The following SLC22A3 variants were observed in gnomAD, a reference collection of about 807,000 sequenced individuals.
SLC22A3 encodes solute carrier family 22 member 3, also known as EMT organic cation transporter 3.
In SLC22A3, 51 loss-of-function variants were observed where a neutral mutation model predicts 59.1. The observed-to-expected ratio is 0.86, with a 90% CI of 0.69 to 1.09. SLC22A3 has a LOEUF of 1.09. Ranked by LOEUF, SLC22A3 falls within the 50% of genes least tolerant of loss-of-function variation. The pLI is 0.00. For missense variants in SLC22A3, 711 were observed against 726.3 expected (o/e 0.98, Z 0.24); for synonymous variants, 325 against 292.0 (o/e 1.11, Z -1.15).
chr6:160,397,990 C>G lies in SLC22A3; in HGVS notation c.441C>G (p.Val147=). 6.2e-7 allele frequency: 1 copy of G among 1,613,296 alleles called. No individual in the cohort carries two copies. Among genetic ancestry groups the G allele is most frequent in the African/African-American group, 1.3e-5 (1 of 74,984 alleles). ...CTTTGTTTTCTCAGTTTGACCTTGT[C>G]TGTGTCAATGCGTGGATGCTGGACC... The part of the protein sequence containing the change: ...HSTIVSEFDL[V]CVNAWMLDLT... Residue 147 remains valine (V), a synonymous_variant, in exon 2 of 11, where the codon GTC becomes GTG. Coordinates refer to ENST00000275300, the MANE Select transcript of SLC22A3 (RefSeq NM_021977.4).
intron 1 of SLC22A3, among the ~76,000 whole-genome samples, chr6:160,389,441 T>G (rs1786158112): frequency 6.6e-6 from 1 of 152,176 alleles, no homozygotes; most frequent in Non-Finnish European, 1.5e-5. Flanking sequence ...GCACCTTAAC[T>G]GACAGGGTTC....
chr6:160,377,721 T>C (rs1021973720), intron 1 of SLC22A3, among the ~76,000 whole-genome samples: 5 of 152,170 alleles, frequency 3.3e-5, no homozygotes, highest in African/African-American at 1.2e-4. Context: ...TTACTCTTGC[T>C]CTCAAACACA....
At chr6:160,374,809 C>T (rs530541430) in intron 1 of SLC22A3, among the ~76,000 whole-genome samples, 3 of 152,294 alleles carry the variant, frequency 2.0e-5, no homozygotes, top group African/African-American at 4.8e-5. Context: ...GAGGGCAGGG[C>T]GTTCAGGCCT....
chr6:160,418,552 A>G (rs903623585), intron 5 of SLC22A3, among the ~76,000 whole-genome samples: 1 of 152,192 alleles, frequency 6.6e-6, no homozygotes, highest in Non-Finnish European at 1.5e-5. Flanking sequence ...TTGTCCCTCT[A>G]GAGAACCTTG....
chr6:160,380,165 C>G (rs2114793190), intron 1 of SLC22A3, among the ~76,000 whole-genome samples: 1 of 152,108 alleles, frequency 6.6e-6, no homozygotes, highest in Admixed American at 6.5e-5. Flanking sequence ...AATTATGTTA[C>G]ATAATATTTT....
Position 160,361,222 on chromosome 6 carries a change from G to A in SLC22A3, c.429+12374G>A, listed in dbSNP as rs771080988. ...ATCAGATATGGAGAATGATCAATCT[G>A]CCTATCACCATGTACAAAGGTGGAC... On this transcript the variant is annotated intron_variant, in intron 1 of 10. Coordinates refer to ENST00000275300, the MANE Select transcript of SLC22A3 (RefSeq NM_021977.4). 7.9e-5 allele frequency among the ~76,000 whole-genome samples: 12 copies of A among 152,294 alleles called. No homozygotes were observed. The East Asian group carries it at 1.9e-3, about 24-fold the overall frequency.
chr6:160,437,464 G>A (rs184745473), intron 7 of SLC22A3, among the ~76,000 whole-genome samples: 68 of 152,302 alleles, frequency 4.5e-4, no homozygotes, highest in Admixed American at 1.2e-3. Context: ...AGCTGATAGC[G>A]ATGTGGTTTC....
chr6:160,359,274 G>A (rs1171870048), intron 1 of SLC22A3, among the ~76,000 whole-genome samples: 1 of 152,198 alleles, frequency 6.6e-6, no homozygotes, highest in Admixed American at 6.5e-5. Flanking sequence ...TGAATGTTGA[G>A]CTTCAGGTTA....
intron 1 of SLC22A3, among the ~76,000 whole-genome samples, chr6:160,375,804 T>A (rs752186850): frequency 3.3e-5 from 5 of 152,250 alleles, no homozygotes; most frequent in Non-Finnish European, 7.4e-5. Flanking sequence ...TTGAAAAAAA[T>A]TGCATTTCTT....
intron 1 of SLC22A3, among the ~76,000 whole-genome samples, chr6:160,392,434 T>A (rs910625276): frequency 6.6e-6 from 1 of 152,146 alleles, no homozygotes. Context: ...TACATTTGCT[T>A]CACAGAAATT....
intron 1 of SLC22A3, among the ~76,000 whole-genome samples, chr6:160,385,595 C>T (rs1785972738): frequency 1.3e-5 from 2 of 152,318 alleles, no homozygotes; most frequent in South Asian, 4.1e-4. Context: ...ACCAAGCTTC[C>T]TCGGCCCTAC....
At chr6:160,400,268 T>G (rs1786713953) in intron 2 of SLC22A3, among the ~76,000 whole-genome samples, 1 of 151,956 alleles carries the variant, frequency 6.6e-6, no homozygotes, top group African/African-American at 2.4e-5. Context: ...GAGCCTAATC[T>G]TCTGGGGTTT....
chr6:160,450,737 A>G (rs1329812947), intron 10 of SLC22A3, among the ~76,000 whole-genome samples: 1 of 152,218 alleles, frequency 6.6e-6, no homozygotes, highest in Non-Finnish European at 1.5e-5. Context: ...CCATATCAAA[A>G]TGAAATCTTC....
chr6:160,424,142 G>A (rs1787861927), intron 5 of SLC22A3, among the ~76,000 whole-genome samples: 1 of 152,090 alleles, frequency 6.6e-6, no homozygotes, highest in Admixed American at 6.6e-5. Flanking sequence ...CTCAGCCCTG[G>A]AGTTGACAAA....
At chr6:160,392,484 GA>G (rs1395804109) in intron 1 of SLC22A3, among the ~76,000 whole-genome samples, 2 of 152,178 alleles carry the variant, frequency 1.3e-5, no homozygotes, top group African/African-American at 4.8e-5. Flanking sequence ...ACCTCCCAGG[GA>G]CAGAAACAAG....
Position 160,418,868 on chromosome 6 carries a change from G to A in SLC22A3, c.975+8022G>A, listed in dbSNP as rs545343287. 5.3e-5 allele frequency among the ~76,000 whole-genome samples: 8 copies of A among 152,242 alleles called. No individual in the cohort carries two copies. The South Asian group carries it at 6.2e-4, about 12-fold the overall frequency. On this transcript the variant is annotated intron_variant, in intron 5 of 10. Transcript: ENST00000275300. ...TAGTGATATTTTATCCTATACTGGC[G>A]CAATAAACCCATAAGCTTTGATCGT...
intron 5 of SLC22A3, among the ~76,000 whole-genome samples, chr6:160,430,025 C>G (rs1267997875): frequency 6.6e-6 from 1 of 151,850 alleles, no homozygotes; most frequent in African/African-American, 2.4e-5. Flanking sequence ...TGTTGACAGC[C>G]TCTGTTACTA....
At chr6:160,445,246 A>G (rs1427535221) in intron 9 of SLC22A3, among the ~76,000 whole-genome samples, 1 of 152,216 alleles carries the variant, frequency 6.6e-6, no homozygotes, top group African/African-American at 2.4e-5. Context: ...TGTCTAGGCC[A>G]AGAGGGGCTG....
rs960282229 is a variant in SLC22A3 at position 160,412,922 on chromosome 6, A to G, written c.975+2076A>G. ...GAAGGGAATATAGAAAAATAGGATC[A>G]TAGAAAATAAATAGGAATAAAGAAA... On this transcript the variant is annotated intron_variant, in intron 5 of 10. Coordinates refer to ENST00000275300, the MANE Select transcript of SLC22A3 (RefSeq NM_021977.4). Among the ~76,000 whole-genome samples, 3 of 152,292 alleles carry G rather than the reference A, an allele frequency of 2.0e-5. No individual in the cohort carries two copies. The East Asian group carries it at 5.8e-4, about 29-fold the overall frequency.
Sources: gnomAD v4.1 joint callset for allele counts (sites outside exome capture counted in the v4.1 genomes callset) on GRCh38, gnomAD v4.1.1 for gene constraint, MANE v1.5 for transcripts, NCBI Gene and HGNC (gene_info 2026-07-23, HGNC 2026-07-21) for gene names.